The following PCDHGA7 variants were observed in gnomAD, a reference collection of about 807,000 sequenced individuals.
PCDHGA7 encodes protocadherin gamma-A7.
PCDHGA7 carries 44 observed loss-of-function variants against 58.3 expected under a neutral mutation model. The observed-to-expected ratio is 0.75, with a 90% CI of 0.59 to 0.97. The LOEUF (loss-of-function observed/expected upper bound fraction) is 0.97, where lower values mean the gene tolerates loss of function less well. Among genes scored for constraint, PCDHGA7 ranks in the 50% least tolerant of loss-of-function variants. The pLI is 0.00. For missense variants in PCDHGA7, 1,266 were observed against 1,188.7 expected (o/e 1.06, Z -0.96); for synonymous variants, 516 against 504.2 (o/e 1.02, Z -0.31).
chr5:141,452,525 G>A (rs1227647193), intron 1 of PCDHGA7, among the ~76,000 whole-genome samples: 3 of 152,126 alleles, frequency 2.0e-5, no homozygotes, highest in Admixed American at 6.5e-5. Flanking sequence ...CCTCAAAATC[G>A]TGAGTTCATA....
chr5:141,441,700 T>TCAAG (rs1409793305), intron 1 of PCDHGA7: 1 of 308,660 alleles, frequency 3.2e-6, no homozygotes, highest in African/African-American at 2.3e-5. Context: ...CCGCGAGCCT[T>TCAAG]CAAGCTCACG....
chr5:141,418,248 C>T (rs372067603), intron 1 of PCDHGA7: 7 of 1,613,882 alleles, frequency 4.3e-6, no homozygotes, highest in African/African-American at 1.3e-5. Flanking sequence ...AATGACCACG[C>T]CCCTCAATTC....
chr5:141,467,376 A>G (rs1391386659), intron 1 of PCDHGA7, among the ~76,000 whole-genome samples: 2 of 151,990 alleles, frequency 1.3e-5, no homozygotes. Flanking sequence ...CTTATATTGC[A>G]TTTAGGTTTT....
rs752660538 is a variant in PCDHGA7 at position 141,486,495 on chromosome 5, T to C, written c.2425-8312T>C. 1 of 1,614,074 alleles carries C rather than the reference T, an allele frequency of 6.2e-7. No individual in the cohort carries two copies. The highest frequency in any genetic ancestry group is 8.5e-7 in the Non-Finnish European group (1 of 1,179,922). On this transcript the variant is annotated intron_variant, in intron 1 of 3. Transcript: ENST00000518325. The surrounding 1 kb of genome is among the most constrained non-coding windows in gnomAD (Gnocchi z 5.0). ...CCTCCTCTCAGTACCCACAGAACTA[T>C]TTTCCTCAATATTTCAGATGTGAAT...
At chr5:141,430,767 C>T in intron 1 of PCDHGA7, 1 of 1,506,782 alleles carries the variant, frequency 6.6e-7, no homozygotes, top group Non-Finnish European at 8.9e-7. Flanking sequence ...AGAATGATTC[C>T]TGCGCGACTG....
intron 1 of PCDHGA7, chr5:141,439,998 G>A (rs2098143949): frequency 6.5e-6 from 1 of 153,152 alleles, no homozygotes; most frequent in Non-Finnish European, 1.5e-5. Context: ...TTGGTGGTGG[G>A]AAACCTTGCC....
chr5:141,454,563 C>T (rs1056296059), intron 1 of PCDHGA7, among the ~76,000 whole-genome samples: 46 of 151,960 alleles, frequency 3.0e-4, no homozygotes, highest in Non-Finnish European at 4.9e-4. Context: ...TGTGCCACCA[C>T]GCCCGGCTAA....
intron 1 of PCDHGA7, chr5:141,421,895 GA>G: frequency 6.2e-7 from 1 of 1,613,730 alleles, no homozygotes; most frequent in African/African-American, 1.3e-5. Flanking sequence ...GATCCCATCC[GA>G]AAGGGCGCAG....
At chr5:141,395,095 C>G in intron 1 of PCDHGA7, 1 of 1,614,174 alleles carries the variant, frequency 6.2e-7, no homozygotes, top group Non-Finnish European at 8.5e-7. Flanking sequence ...TCCCTCACCG[C>G]CGACTCGCGG....
chr5:141,465,454 T>G (rs1031876441), intron 1 of PCDHGA7, among the ~76,000 whole-genome samples: 1 of 152,184 alleles, frequency 6.6e-6, no homozygotes, highest in African/African-American at 2.4e-5. Context: ...AAGAAAACTC[T>G]CACCAAATTG....
intron 1 of PCDHGA7, among the ~76,000 whole-genome samples, chr5:141,470,664 G>A (rs1308061207): frequency 6.6e-6 from 1 of 151,882 alleles, no homozygotes; most frequent in Non-Finnish European, 1.5e-5. Context: ...CTTTGGTTAG[G>A]GCTCTGCTGT....
intron 1 of PCDHGA7, among the ~76,000 whole-genome samples, chr5:141,433,999 A>G (rs1471657184): frequency 6.6e-6 from 1 of 152,070 alleles, no homozygotes; most frequent in Admixed American, 6.6e-5. Context: ...TATATTCTCT[A>G]TATATGTTTG....
intron 1 of PCDHGA7, chr5:141,403,667 GC>G: frequency 6.2e-7 from 1 of 1,613,910 alleles, no homozygotes; most frequent in Non-Finnish European, 8.5e-7. Context: ...AAATGATAAT[GC>G]CCCGGTTTTT....
intron 1 of PCDHGA7, chr5:141,410,606 G>C: frequency 1.2e-6 from 2 of 1,607,214 alleles, no homozygotes; most frequent in Non-Finnish European, 1.7e-6. Flanking sequence ...TTCACATCCT[G>C]AGACTCTGAC....
chr5:141,384,503 A>G lies in PCDHGA7; in HGVS notation c.1604A>G (p.His535Arg), dbSNP rs761415530. 6 of 1,614,192 alleles carry G rather than the reference A, an allele frequency of 3.7e-6. No homozygotes were observed. The highest frequency in any genetic ancestry group is 5.1e-6 in the Non-Finnish European group (6 of 1,180,018). Reference protein sequence around the residue: ...LRELQLRVTAHDSGDPPLSSN... With the variant: ...LRELQLRVTARDSGDPPLSSN... ...GAACTACAACTAAGAGTGACTGCAC[A>G]TGACAGCGGGGACCCGCCTCTCAGC... Residue 535 changes from histidine (H) to arginine (R), a missense_variant, in exon 1 of 4, where the codon CAT becomes CGT. By Grantham distance (29) the His-to-Arg change is conservative (BLOSUM62 0). Transcript: ENST00000518325.
rs1271916110 is a variant in PCDHGA7, at chr5:141,394,787, C to T, written c.2424+9464C>T. 11 of 1,613,632 alleles carry T rather than the reference C, an allele frequency of 6.8e-6. 1 individual carries two copies. The highest frequency in any genetic ancestry group is 9.3e-6 in the Non-Finnish European group (11 of 1,180,016). On this transcript the variant is annotated intron_variant, in intron 1 of 3. Transcript: ENST00000518325. ...GCCAGCCCCCTCTCTCCGCCACTGT[C>T]ACGCTCACCGTAGCCGTGGCTGACA... is the stretch of plus-strand genomic sequence containing the variant.
chr5:141,509,663 G>A (rs933532930), intron 3 of PCDHGA7, among the ~76,000 whole-genome samples: 1 of 152,140 alleles, frequency 6.6e-6, no homozygotes, highest in Non-Finnish European at 1.5e-5. Context: ...ACTTCTCTGG[G>A]CCCCAGTTTC....
At chr5:141,492,242 C>G (rs2099738685) in intron 1 of PCDHGA7, among the ~76,000 whole-genome samples, 1 of 152,190 alleles carries the variant, frequency 6.6e-6, no homozygotes, top group Admixed American at 6.5e-5. Flanking sequence ...GCTGGCCACC[C>G]CCACGGCCCA....
intron 1 of PCDHGA7, chr5:141,390,918 T>G (rs997224874): frequency 5.2e-5 from 8 of 152,550 alleles, no homozygotes; most frequent in Non-Finnish European, 1.2e-4. Flanking sequence ...GAAAAAGGTC[T>G]ACTATGCTCA....
Sources: allele counts gnomAD v4.1 joint callset (sites outside exome capture counted in the v4.1 genomes callset), GRCh38; gene constraint gnomAD v4.1.1; non-coding constraint Gnocchi (gnomAD v3.1); transcripts MANE v1.5; gene names NCBI Gene and HGNC (gene_info 2026-07-23, HGNC 2026-07-21).